Variants in TENM3 observed in about 807,000 individuals in gnomAD.
TENM3 encodes the protein teneurin transmembrane protein 3.
TENM3 carries 63 observed loss-of-function variants against 255.1 expected under a neutral mutation model. That is an observed-to-expected ratio of 0.25 (90% CI 0.20 to 0.30). The LOEUF (loss-of-function observed/expected upper bound fraction) is 0.30, where lower values mean the gene tolerates loss of function less well. Ranked by LOEUF, TENM3 falls within the 10% of genes least tolerant of loss-of-function variation. The probability of loss-of-function intolerance (pLI) is 1.00; values close to 1 mark genes in which losing one functional copy is unlikely to be tolerated. For synonymous variants in TENM3, 1,306 were observed against 1,322.3 expected (o/e 0.99, Z 0.27); for missense variants, 2,929 against 3,461.1 (o/e 0.85, Z 3.86).
At chr4:181,889,792 G>A in the TENM3 span, among the ~76,000 whole-genome samples, 1 of 152,098 alleles carries the variant, frequency 6.6e-6, no homozygotes, top group Non-Finnish European at 1.5e-5. Flanking sequence ...CGGAATCTAT[G>A]CATATAAATG....
intron 5 of TENM3, among the ~76,000 whole-genome samples, chr4:182,649,562 T>G (rs981336279): frequency 3.3e-5 from 5 of 150,668 alleles, no homozygotes; most frequent in African/African-American, 1.2e-4. Flanking sequence ...TCTGTAACCT[T>G]AAAGTTCACA....
chr4:182,719,602 T>G (rs1759533581), intron 13 of TENM3, among the ~76,000 whole-genome samples: 1 of 151,570 alleles, frequency 6.6e-6, no homozygotes, highest in Admixed American at 6.6e-5. Flanking sequence ...TTTTGGGGGG[T>G]ATATCAGGAA....
chr4:181,664,941 T>C, the TENM3 span, among the ~76,000 whole-genome samples: 1 of 152,196 alleles, frequency 6.6e-6, no homozygotes, highest in Admixed American at 6.5e-5. Flanking sequence ...AAAAGCGAGA[T>C]CACATTCTCA....
At position 182,517,903 on chromosome 4, in the gene TENM3, G is replaced by A. The variant is rs893105438; in HGVS notation, c.512-83021G>A. Among the ~76,000 whole-genome samples the A allele has an allele frequency of 3.3e-5, 5 of 152,088 alleles. No homozygotes were observed. The East Asian group carries it at 5.8e-4, about 18-fold the overall frequency. ...CAAATTTAGAAGTATATAACCATGA[G>A]TGAAACCACACGTTAATCTACCTGG... On this transcript the variant is annotated intron_variant, in intron 3 of 27. Transcript: ENST00000511685.
rs55638057 is a variant in TENM3, at chr4:182,306,099, C to T, written c.-75-17847C>T. 7.6e-3 allele frequency among the ~76,000 whole-genome samples: 1,150 copies of T among 152,266 alleles called. 13 individuals carry two copies. The highest frequency in any genetic ancestry group is 0.026 in the African/African-American group (1,087 of 41,548). On this transcript the variant is annotated intron_variant, in intron 1 of 27. Transcript: ENST00000511685. ...CACCAGGAAGTTACACAAACCTGTA[C>T]TTCATGCACCCAAGGAGAAGAAAGA...
chr4:182,455,449 C>G (rs1331880297), intron 3 of TENM3, among the ~76,000 whole-genome samples: 1 of 152,038 alleles, frequency 6.6e-6, no homozygotes, highest in Non-Finnish European at 1.5e-5. Context: ...CCCTCTACTG[C>G]TCCTCCACTC....
intron 12 of TENM3, among the ~76,000 whole-genome samples, chr4:182,708,581 T>C (rs940603279): frequency 5.9e-5 from 9 of 152,038 alleles, no homozygotes; most frequent in Admixed American, 3.3e-4. Context: ...GGGTGGATCA[T>C]GAGGTCAGGA....
At chr4:182,630,966 T>G (rs1248160692) in intron 5 of TENM3, among the ~76,000 whole-genome samples, 1 of 152,244 alleles carries the variant, frequency 6.6e-6, no homozygotes, top group East Asian at 1.9e-4. Flanking sequence ...AAAATAGCAT[T>G]TTAATGTGAG....
At chr4:182,562,744 C>A (rs1366415115) in intron 3 of TENM3, among the ~76,000 whole-genome samples, 1 of 152,060 alleles carries the variant, frequency 6.6e-6, no homozygotes, top group Non-Finnish European at 1.5e-5. Flanking sequence ...GTTATTATAT[C>A]CAACTTTGTG....
the TENM3 span, among the ~76,000 whole-genome samples, chr4:181,945,684 T>C: frequency 3.3e-5 from 5 of 152,240 alleles, no homozygotes; most frequent in African/African-American, 1.2e-4. Context: ...TCTGTTCTCA[T>C]GTTGATAGAG....
At chr4:182,531,987 G>A (rs1229556292) in intron 3 of TENM3, among the ~76,000 whole-genome samples, 2 of 152,136 alleles carry the variant, frequency 1.3e-5, no homozygotes, top group African/African-American at 2.4e-5. Flanking sequence ...AAGCCGTCTC[G>A]GGACTGCTAT....
chr4:182,593,516 C>T (rs1055545697), intron 3 of TENM3, among the ~76,000 whole-genome samples: 1 of 152,154 alleles, frequency 6.6e-6, no homozygotes, highest in South Asian at 2.1e-4. Flanking sequence ...CACAGCTGTC[C>T]GCCCTTAGCT....
At chr4:182,042,092 G>C in the TENM3 span, among the ~76,000 whole-genome samples, 1 of 152,126 alleles carries the variant, frequency 6.6e-6, no homozygotes, top group Non-Finnish European at 1.5e-5. Context: ...TGGTATGTGT[G>C]TGTGAGTGCA....
the TENM3 span, among the ~76,000 whole-genome samples, chr4:181,587,167 C>A: frequency 6.6e-6 from 1 of 152,128 alleles, no homozygotes; most frequent in Non-Finnish European, 1.5e-5. Flanking sequence ...TTTCTGAAGT[C>A]TTTCTATACT....
the TENM3 span, among the ~76,000 whole-genome samples, chr4:181,511,111 A>G: frequency 3.9e-5 from 6 of 152,316 alleles, no homozygotes; most frequent in East Asian, 1.2e-3. Context: ...GAGATGTCCA[A>G]TGGGCAGAGG....
chr4:181,742,499 A>C, the TENM3 span, among the ~76,000 whole-genome samples: 1 of 152,100 alleles, frequency 6.6e-6, no homozygotes, highest in African/African-American at 2.4e-5. Context: ...TTTTTTAAAA[A>C]AGACTTTCTG....
At chr4:182,698,128 ACAGC>A (rs1757571954) in intron 12 of TENM3, 1 of 152,152 alleles carries the variant, frequency 6.6e-6, no homozygotes, top group South Asian at 2.1e-4. Context: ...TCAGTGTTCC[ACAGC>A]CTGTTGAGTG....
the TENM3 span, among the ~76,000 whole-genome samples, chr4:181,867,634 C>T: frequency 1.6e-4 from 24 of 152,172 alleles, no homozygotes; most frequent in African/African-American, 3.4e-4. Context: ...ACTGAGCAAA[C>T]GAGTTATCAT....
At chr4:182,118,522 C>T in the TENM3 span, among the ~76,000 whole-genome samples, 1 of 151,942 alleles carries the variant, frequency 6.6e-6, no homozygotes, top group Non-Finnish European at 1.5e-5. Context: ...CCCAAGCATC[C>T]CACCCTTCTT....
Sources: gnomAD v4.1 joint callset for allele counts (sites outside exome capture counted in the v4.1 genomes callset) on GRCh38, gnomAD v4.1.1 for gene constraint, MANE v1.5 for transcripts, NCBI Gene and HGNC (gene_info 2026-07-23, HGNC 2026-07-21) for gene names.